Variants in GLIS3 observed in about 807,000 individuals in gnomAD.
GLIS3 encodes the protein GLIS family zinc finger 3.
Under a neutral mutation model 78.6 loss-of-function variants are expected in GLIS3, and 53 were observed. That is an observed-to-expected ratio of 0.67 (90% CI 0.54 to 0.85). The LOEUF is 0.85. Among genes scored for constraint, GLIS3 ranks in the 40% least tolerant of loss-of-function variants. The pLI is 0.00. For synonymous variants in GLIS3, 684 were observed against 509.9 expected, an observed-to-expected ratio of 1.34 and a Z score of -4.60; for missense variants, 1,703 against 1,231.1, an observed-to-expected ratio of 1.38 and a Z score of -5.74.
At chr9:3,849,599 C>A (rs952193751) in intron 9 of GLIS3, among the ~76,000 whole-genome samples, 1 of 152,142 alleles carries the variant, frequency 6.6e-6, no homozygotes. Flanking sequence ...TGCACTGTTT[C>A]CTGTTAGACG....
chr9:4,423,055 T>G, the GLIS3 span, among the ~76,000 whole-genome samples: 1 of 152,010 alleles, frequency 6.6e-6, no homozygotes, highest in Non-Finnish European at 1.5e-5. Flanking sequence ...AGTGGGGACA[T>G]GGATCGAGTG....
intron 2 of GLIS3, chr9:4,310,541 T>C (rs1046734561): frequency 6.6e-6 from 1 of 152,160 alleles, no homozygotes; most frequent in African/African-American, 2.4e-5. Flanking sequence ...AAACCCCAAA[T>C]ACATCCATTA....
At chr9:4,255,700 A>G (rs1208941732) in intron 2 of GLIS3, among the ~76,000 whole-genome samples, 3 of 152,290 alleles carry the variant, frequency 2.0e-5, no homozygotes, top group East Asian at 1.9e-4. Context: ...GGTTGCCAAG[A>G]GCTAGGGGAA....
At position 4,118,354 on chromosome 9, in the gene GLIS3, G is replaced by C. The variant is rs752335934; in HGVS notation, c.1124C>G (p.Ala375Gly). Residue 375 changes from alanine (A) to glycine (G), a missense_variant, in exon 4 of 11, where the codon GCC becomes GGC. Physicochemically the swap from Ala to Gly is moderately conservative, Grantham distance 60 (BLOSUM62 0). Transcript: ENST00000381971. The surrounding 1 kb of genome is among the most constrained non-coding windows in gnomAD (Gnocchi z 4.7). Reference sequence around the variant, plus strand: ...GGCCGGCAGCGCCAGGCCTCCAGGGGCCACCAGCACGCCCTTCTGGCTGCC... The same window carrying C: ...GGCCGGCAGCGCCAGGCCTCCAGGGCCCACCAGCACGCCCTTCTGGCTGCC... ...VPGSQKGVLV[A>G]PGGLALPAYG... The C allele has an allele frequency of 6.3e-7, 1 of 1,584,448 alleles. No individual in the cohort carries two copies. The highest frequency in any genetic ancestry group is 1.1e-5 in the South Asian group (1 of 88,984).
At chr9:4,159,465 T>C (rs1835302794) in intron 2 of GLIS3, among the ~76,000 whole-genome samples, 1 of 152,184 alleles carries the variant, frequency 6.6e-6, no homozygotes, top group African/African-American at 2.4e-5. Flanking sequence ...ATGTCTGTAA[T>C]CCCAGCACTT....
At chr9:4,055,668 G>A (rs932708048) in intron 4 of GLIS3, among the ~76,000 whole-genome samples, 3 of 152,186 alleles carry the variant, frequency 2.0e-5, no homozygotes, top group African/African-American at 7.2e-5. Flanking sequence ...GAATGATGGT[G>A]TTATCACTTT....
At chr9:4,354,127 C>G in the GLIS3 span, among the ~76,000 whole-genome samples, 1 of 151,966 alleles carries the variant, frequency 6.6e-6, no homozygotes, top group African/African-American at 2.4e-5. Flanking sequence ...TGAGCCACCA[C>G]GCCCGGCCAA....
intron 2 of GLIS3, among the ~76,000 whole-genome samples, chr9:4,149,849 G>T (rs1262442945): frequency 6.6e-6 from 1 of 152,216 alleles, no homozygotes; most frequent in East Asian, 1.9e-4. Context: ...CACAGAGAAG[G>T]AGATGACGAT....
chr9:4,125,993 G>A (rs766103734), intron 2 of GLIS3, 52 bp from the exon 3 acceptor site: 8 of 1,364,680 alleles, frequency 5.9e-6, no homozygotes, highest in Non-Finnish European at 6.3e-6. Context: ...TCAGAAATCA[G>A]TAAATACAGA....
At chr9:4,057,315 G>C (rs1826230563) in intron 4 of GLIS3, among the ~76,000 whole-genome samples, 1 of 151,946 alleles carries the variant, frequency 6.6e-6, no homozygotes, top group Non-Finnish European at 1.5e-5. Flanking sequence ...TTTTCATTTT[G>C]CACTGGGTCC....
chr9:4,331,455 A>AC (rs1422893851), intron 2 of GLIS3, among the ~76,000 whole-genome samples: 1 of 152,150 alleles, frequency 6.6e-6, no homozygotes, highest in Non-Finnish European at 1.5e-5. Flanking sequence ...ACACTATTCA[A>AC]CCCACTGTAC....
intron 4 of GLIS3, among the ~76,000 whole-genome samples, chr9:4,064,605 C>T (rs1826936236): frequency 6.6e-6 from 1 of 152,114 alleles, no homozygotes. Context: ...GACTGGCCAA[C>T]ATGGTGAAAC....
At chr9:4,272,396 G>A (rs1826596200) in intron 2 of GLIS3, among the ~76,000 whole-genome samples, 1 of 152,032 alleles carries the variant, frequency 6.6e-6, no homozygotes, top group Admixed American at 6.6e-5. Context: ...GGCAATCTCT[G>A]CCAAAAAACA....
chr9:4,257,683 C>T (rs1353351108), intron 2 of GLIS3, among the ~76,000 whole-genome samples: 3 of 151,908 alleles, frequency 2.0e-5, no homozygotes, highest in Admixed American at 6.6e-5. Flanking sequence ...AGGCCATTCC[C>T]CTGCCTCAGC....
chr9:4,483,671 T>G, the GLIS3 span, among the ~76,000 whole-genome samples: 1 of 148,072 alleles, frequency 6.8e-6, no homozygotes, highest in Non-Finnish European at 1.5e-5. Context: ...AGTGAGCCGA[T>G]ATCATGCCAC....
the GLIS3 span, among the ~76,000 whole-genome samples, chr9:4,459,428 C>T: frequency 3.0e-4 from 46 of 152,018 alleles, 1 homozygote; most frequent in Admixed American, 2.9e-3. Context: ...CAGTGAGGTA[C>T]GAGGGAAAAC....
At chr9:4,230,141 A>C (rs1822126234) in intron 2 of GLIS3, among the ~76,000 whole-genome samples, 1 of 152,258 alleles carries the variant, frequency 6.6e-6, no homozygotes, top group Admixed American at 6.5e-5. Flanking sequence ...TTCAAGCTCC[A>C]AAACAGCCCC....
intron 4 of GLIS3, among the ~76,000 whole-genome samples, chr9:4,033,882 A>AAT (rs1185555009): frequency 2.7e-5 from 4 of 150,744 alleles, no homozygotes; most frequent in Non-Finnish European, 5.9e-5. Context: ...AAAAAAAAAA[A>AAT]AAAAAAAACT....
At chr9:4,103,056 C>A (rs1187186203) in intron 4 of GLIS3, among the ~76,000 whole-genome samples, 1 of 152,046 alleles carries the variant, frequency 6.6e-6, no homozygotes, top group South Asian at 2.1e-4. Context: ...CCTGCTGGAG[C>A]CAATGAAGTT....
Sources: allele counts gnomAD v4.1 joint callset (sites outside exome capture counted in the v4.1 genomes callset), GRCh38; gene constraint gnomAD v4.1.1; non-coding constraint Gnocchi (gnomAD v3.1); transcripts MANE v1.5; gene names NCBI Gene and HGNC (gene_info 2026-07-23, HGNC 2026-07-21).